PLCH1: variants seen among roughly 807,000 people sequenced by gnomAD.
PLCH1 encodes phospholipase C eta 1, also known as 1-phosphatidylinositol 4,5-bisphosphate phosphodiesterase eta-1.
Under a neutral mutation model 126.7 loss-of-function variants are expected in PLCH1, and 60 were observed. The observed-to-expected ratio is 0.47, with a 90% CI of 0.38 to 0.59. PLCH1 has a LOEUF of 0.59. PLCH1 is among the 20% of genes least tolerant of loss of function. PLCH1 has a pLI of 0.00. For synonymous variants in PLCH1, 719 were observed against 734.9 expected, an observed-to-expected ratio of 0.98 and a Z score of 0.35; for missense variants, 1,723 against 2,040.0, an observed-to-expected ratio of 0.84 and a Z score of 2.99.
chr3:155,612,346 G>C (rs1346482534), intron 2 of PLCH1, among the ~76,000 whole-genome samples: 1 of 139,614 alleles, frequency 7.2e-6, no homozygotes, highest in East Asian at 2.1e-4. Flanking sequence ...AAAAAAAAAA[G>C]AAGAGGAAAC....
intron 2 of PLCH1, among the ~76,000 whole-genome samples, chr3:155,602,539 T>G (rs954120713): frequency 2.3e-4 from 35 of 152,046 alleles, no homozygotes; most frequent in African/African-American, 6.5e-4. Flanking sequence ...GTGAACATCA[T>G]AGTGTATTCA....
chr3:155,625,238 T>A (rs1190469566), intron 2 of PLCH1, among the ~76,000 whole-genome samples: 1 of 152,024 alleles, frequency 6.6e-6, no homozygotes, highest in Non-Finnish European at 1.5e-5. Context: ...ATACAAAAAT[T>A]AACTCAAGAT....
At chr3:155,549,592 T>C (rs905205221) in intron 10 of PLCH1, among the ~76,000 whole-genome samples, 195 bp downstream of exon 10, 8 of 152,314 alleles carry the variant, frequency 5.3e-5, no homozygotes, top group Non-Finnish European at 8.8e-5. Flanking sequence ...TCAGAATATG[T>C]GCTCACTCAA....
intron 21 of PLCH1, among the ~76,000 whole-genome samples, chr3:155,472,818 A>T (rs1220479554): frequency 6.6e-6 from 1 of 151,314 alleles, no homozygotes; most frequent in East Asian, 1.9e-4. Context: ...ACAGAGCCAA[A>T]GACAAAAACC....
At position 155,670,026 on chromosome 3, in the gene PLCH1, G is replaced by C. The variant is rs1280044093; in HGVS notation, c.79+34120C>G. On this transcript the variant is annotated intron_variant, in intron 2 of 22. Transcript: ENST00000460012. Reference sequence around the variant, plus strand: ...TCCACATGCCAAAATATCAACCATGGTTATGTCCAAGGAGTGGGAAAGGCA... The same window carrying C: ...TCCACATGCCAAAATATCAACCATGCTTATGTCCAAGGAGTGGGAAAGGCA... Among the ~76,000 whole-genome samples, 5 of 152,126 alleles carry C rather than the reference G, an allele frequency of 3.3e-5. 1 individual carries two copies. Among genetic ancestry groups the C allele is most frequent in the Admixed American group, 3.3e-4 (5 of 15,276 alleles).
intron 6 of PLCH1, among the ~76,000 whole-genome samples, chr3:155,582,998 C>A (rs1730915625): frequency 6.6e-6 from 1 of 151,554 alleles, no homozygotes; most frequent in Non-Finnish European, 1.5e-5. Context: ...TTACCAATGA[C>A]CTACCACAAT....
chr3:155,475,040 C>T (rs1311334446), downstream of PLCH1, among the ~76,000 whole-genome samples: 1 of 142,730 alleles, frequency 7.0e-6, no homozygotes, highest in Non-Finnish European at 1.5e-5. Context: ...AACTAACCTG[C>T]ACAATGTGCA....
intron 2 of PLCH1, among the ~76,000 whole-genome samples, chr3:155,617,184 T>C (rs1177078346): frequency 1.3e-5 from 2 of 152,152 alleles, no homozygotes; most frequent in Admixed American, 1.3e-4. Context: ...ACTGTGACTG[T>C]CCTAAGACTT....
intron 10 of PLCH1, among the ~76,000 whole-genome samples, chr3:155,543,947 A>G (rs1724799278): frequency 6.6e-6 from 1 of 152,078 alleles, no homozygotes; most frequent in African/African-American, 2.4e-5. Flanking sequence ...CCAAATTGTA[A>G]AGACCATCGA....
intron 8 of PLCH1, 44 bp from the exon 9 acceptor site, chr3:155,554,240 T>A: frequency 6.3e-7 from 1 of 1,588,062 alleles, no homozygotes; most frequent in South Asian, 1.1e-5. Context: ...AAGTCTCTGG[T>A]GTTTATTAAT....
intron 2 of PLCH1, among the ~76,000 whole-genome samples, chr3:155,656,392 C>A (rs1741374485): frequency 6.6e-6 from 1 of 152,098 alleles, no homozygotes; most frequent in Non-Finnish European, 1.5e-5. Context: ...CTATATACAA[C>A]CCTCACTTAT....
In PLCH1 at chr3:155,482,013, G is replaced by T. The variant is rs1249531042; in HGVS notation, c.4013C>A (p.Ala1338Asp). ...AGAATTGAAACAGAGAGTGGGATCAGCTATTACATCCTCCAGGGTCAAATC... is the reference window on the plus strand; with the variant it reads ...AGAATTGAAACAGAGAGTGGGATCATCTATTACATCCTCCAGGGTCAAATC... Reference protein sequence around the residue: ...SPDLTLEDVIADPTLCFNSGE... With the variant: ...SPDLTLEDVIDDPTLCFNSGE... Residue 1338 changes from alanine (A) to aspartate (D), a missense_variant, in exon 23 of 23, where the codon GCT (alanine) becomes GAT (aspartate). Ala to Asp is a moderately radical substitution (Grantham distance 126). Transcript: ENST00000460012. 2 of 1,613,948 alleles carry T rather than the reference G, an allele frequency of 1.2e-6. No homozygotes were observed. The highest frequency in any genetic ancestry group is 2.7e-5 in the African/African-American group (2 of 74,910).
chr3:155,602,303 C>T (rs6774326), intron 2 of PLCH1, among the ~76,000 whole-genome samples: 13,292 of 152,078 alleles, frequency 0.087, 1,399 homozygotes, highest in African/African-American at 0.25. Flanking sequence ...ATTACAAAAA[C>T]GAACCCAAGA....
intron 11 of PLCH1, among the ~76,000 whole-genome samples, chr3:155,517,511 A>G (rs187490216): frequency 2.6e-5 from 4 of 152,178 alleles, no homozygotes; most frequent in Admixed American, 6.5e-5. Context: ...TGGTGGCCCT[A>G]TGTATTCCTT....
At chr3:155,511,719 C>T (rs1312335359) in intron 12 of PLCH1, among the ~76,000 whole-genome samples, 4 of 143,990 alleles carry the variant, frequency 2.8e-5, no homozygotes, top group Middle Eastern at 3.5e-3. Flanking sequence ...TCTCAGATCT[C>T]CAGCTGCGTG....
At chr3:155,505,021 G>A (rs547188450) in intron 12 of PLCH1, among the ~76,000 whole-genome samples, 7 of 152,156 alleles carry the variant, frequency 4.6e-5, no homozygotes, top group Non-Finnish European at 1.0e-4. Flanking sequence ...TAGGGATTCA[G>A]TTTTGGAAAA....
At chr3:155,659,602 G>A (rs1446742321) in intron 2 of PLCH1, among the ~76,000 whole-genome samples, 3 of 151,764 alleles carry the variant, frequency 2.0e-5, no homozygotes, top group Non-Finnish European at 2.9e-5. Flanking sequence ...AGGTTCAAGC[G>A]ATTCTCCTGC....
chr3:155,472,160 A>G (rs1375215274), intron 21 of PLCH1, among the ~76,000 whole-genome samples: 1 of 152,164 alleles, frequency 6.6e-6, no homozygotes, highest in African/African-American at 2.4e-5. Flanking sequence ...GAAAGGATCA[A>G]CAAAATTGAT....
chr3:155,705,255 A>G (rs1247816731), intron 1 of PLCH1, among the ~76,000 whole-genome samples: 1 of 152,172 alleles, frequency 6.6e-6, no homozygotes, highest in Non-Finnish European at 1.5e-5. Flanking sequence ...TCATTAATGG[A>G]ACAATTGGTG....
Sources: allele counts gnomAD v4.1 joint callset (sites outside exome capture counted in the v4.1 genomes callset), GRCh38; gene constraint gnomAD v4.1.1; transcripts MANE v1.5; gene names NCBI Gene and HGNC (gene_info 2026-07-23, HGNC 2026-07-21).